KHDRBS3: variants seen among roughly 807,000 people sequenced by gnomAD.
KHDRBS3 encodes the protein KH domain-containing, RNA-binding, signal transduction-associated protein 3.
KHDRBS3 carries 23 observed loss-of-function variants against 45.6 expected under a neutral mutation model. The ratio of observed to expected loss-of-function variants is 0.50; its 90% CI spans 0.36 to 0.72. The LOEUF is 0.72. Among genes scored for constraint, KHDRBS3 ranks in the 30% least tolerant of loss-of-function variants. The pLI, the probability that KHDRBS3 is intolerant of heterozygous loss-of-function variation, is 0.00. For synonymous variants in KHDRBS3, 162 were observed against 156.5 expected (o/e 1.04, Z -0.26); for missense variants, 352 against 424.8 (o/e 0.83, Z 1.51).
intron 5 of KHDRBS3, among the ~76,000 whole-genome samples, chr8:135,574,255 G>GTTAGCACGTCA (rs1482696673): frequency 5.8e-3 from 857 of 148,978 alleles, no homozygotes; most frequent in East Asian, 8.9e-3. Context: ...CCTCCATCAT[G>GTTAGCACGTCA]CCTTTCTTCC....
Position 135,588,740 on chromosome 8 carries a change from G to A in KHDRBS3, c.807+6667G>A, listed in dbSNP as rs369246288. On this transcript the variant is annotated intron_variant, in intron 6 of 8. Transcript: ENST00000355849. ...AGGGGTTTTAGGAGCTGTGAGCCAG[G>A]AGCTGTGGAAGACAATCAAGCTATA... Among the ~76,000 whole-genome samples, 37 of 152,278 alleles carry A rather than the reference G, an allele frequency of 2.4e-4. No homozygotes were observed. The East Asian group carries it at 3.5e-3, about 14-fold the overall frequency.
intron 7 of KHDRBS3, among the ~76,000 whole-genome samples, chr8:135,641,005 G>A (rs988104489): frequency 6.6e-5 from 10 of 152,124 alleles, no homozygotes; most frequent in Non-Finnish European, 1.3e-4. Context: ...CAGCTCCTCG[G>A]CTTGATGACA....
At chr8:135,551,470 G>A (rs950226011) in intron 4 of KHDRBS3, among the ~76,000 whole-genome samples, 1 of 152,056 alleles carries the variant, frequency 6.6e-6, no homozygotes, top group Non-Finnish European at 1.5e-5. Flanking sequence ...ATAAACATGG[G>A]TATTGAATTT....
intron 2 of KHDRBS3, among the ~76,000 whole-genome samples, chr8:135,531,517 A>G (rs1047298189): frequency 1.6e-4 from 24 of 152,168 alleles, no homozygotes; most frequent in Admixed American, 1.5e-3. Context: ...AAACGATTAT[A>G]TACGAAAAAT....
In KHDRBS3 at chr8:135,582,006, G is replaced by C. The variant is rs760804987; in HGVS notation, c.740G>C (p.Arg247Thr). The change falls in exon 6 of 9, where the codon AGA becomes ACA. Residue 247 changes from arginine (R) to threonine (T), a missense_variant. Around this residue, in one of 6 missense-constraint regions of KHDRBS3, gnomAD observed 212 missense variants for 209.6 expected, o/e 1.01. Transcript: ENST00000355849. ...RGRGLLTPRA[R>T]GVPPTGYRPP... is the part of the protein sequence containing the mutation. ...AGAGGACTTCTCACTCCCAGAGCAA[G>C]AGGAGTCCCCCCAACTGGGTACAGA... 1 of 1,612,976 alleles carries C rather than the reference G, an allele frequency of 6.2e-7. No homozygotes were observed. Among genetic ancestry groups the C allele is most frequent in the South Asian group, 1.1e-5 (1 of 90,830 alleles).
chr8:135,493,101 G>A (rs1201844168), intron 1 of KHDRBS3, among the ~76,000 whole-genome samples: 2 of 147,458 alleles, frequency 1.4e-5, no homozygotes, highest in East Asian at 2.0e-4. Context: ...TTTTTGAGAT[G>A]GAGTCTCACT....
intron 3 of KHDRBS3, 76 bp downstream of exon 3, chr8:135,542,846 A>G (rs964747802): frequency 1.0e-6 from 1 of 965,904 alleles, no homozygotes; most frequent in Non-Finnish European, 1.6e-6. Flanking sequence ...CACTGTATTC[A>G]TACATAGTTA....
intron 5 of KHDRBS3, among the ~76,000 whole-genome samples, chr8:135,559,544 A>G (rs536021658): frequency 1.4e-4 from 22 of 151,966 alleles, no homozygotes; most frequent in African/African-American, 5.3e-4. Context: ...TGTATTTTTA[A>G]TAGAGACGGG....
chr8:135,580,252 ACCAGCC>A (rs992614732), intron 5 of KHDRBS3, among the ~76,000 whole-genome samples: 1 of 152,162 alleles, frequency 6.6e-6, no homozygotes, highest in African/African-American at 2.4e-5. Flanking sequence ...ACTTCCAATG[ACCAGCC>A]CCACAGATTG....
Position 135,569,430 on chromosome 8 carries a change from C to A in KHDRBS3, c.611+11843C>A, listed in dbSNP as rs541171230. Among the ~76,000 whole-genome samples the A allele has an allele frequency of 1.1e-4, 17 of 152,212 alleles. No homozygotes were observed. The East Asian group carries it at 3.3e-3, about 29-fold the overall frequency. The stretch of plus-strand genomic sequence containing the variant: ...TTATAGAATTGTCATTAAGCAAAAA[C>A]TTTAGGTAACGACCAGGTAAGAGGT... On this transcript the variant is annotated intron_variant, in intron 5 of 8. Coordinates refer to ENST00000355849, the MANE Select transcript of KHDRBS3 (RefSeq NM_006558.3).
At chr8:135,577,158 T>G (rs1827983634) in intron 5 of KHDRBS3, among the ~76,000 whole-genome samples, 1 of 152,178 alleles carries the variant, frequency 6.6e-6, no homozygotes, top group Non-Finnish European at 1.5e-5. Flanking sequence ...TAAGTTTACT[T>G]TTCTCCAATC....
intron 1 of KHDRBS3, among the ~76,000 whole-genome samples, chr8:135,475,999 A>G (rs1462449032): frequency 6.6e-6 from 1 of 152,116 alleles, no homozygotes; most frequent in African/African-American, 2.4e-5. Context: ...CTCCCACATC[A>G]CAGTGCAGTC....
At chr8:135,595,794 G>A (rs1266806841) in intron 6 of KHDRBS3, among the ~76,000 whole-genome samples, 3 of 152,142 alleles carry the variant, frequency 2.0e-5, no homozygotes, top group East Asian at 1.9e-4. Context: ...CTGATTGAAC[G>A]CTCACCCTGT....
At chr8:135,556,679 C>T (rs1826903533) in intron 4 of KHDRBS3, among the ~76,000 whole-genome samples, 1 of 152,170 alleles carries the variant, frequency 6.6e-6, no homozygotes, top group Admixed American at 6.5e-5. Flanking sequence ...AACAAACTTA[C>T]TATTTCCTTT....
chr8:135,486,137 G>T (rs1437768467), intron 1 of KHDRBS3, among the ~76,000 whole-genome samples: 1 of 152,020 alleles, frequency 6.6e-6, no homozygotes, highest in Non-Finnish European at 1.5e-5. Flanking sequence ...TTTGAGAAGC[G>T]AAGTAGAAGA....
At chr8:135,497,426 G>A (rs1823512303) in intron 1 of KHDRBS3, among the ~76,000 whole-genome samples, 1 of 152,114 alleles carries the variant, frequency 6.6e-6, no homozygotes, top group African/African-American at 2.4e-5. Context: ...TTTAATGGCT[G>A]TTTTCAAGGC....
chr8:135,487,423 A>T (rs1201688803), intron 1 of KHDRBS3, among the ~76,000 whole-genome samples: 1 of 152,204 alleles, frequency 6.6e-6, no homozygotes, highest in African/African-American at 2.4e-5. Context: ...ACTATAGCAG[A>T]TACTGAACTC....
chr8:135,473,660 G>C (rs1167254732), intron 1 of KHDRBS3, among the ~76,000 whole-genome samples: 2 of 152,138 alleles, frequency 1.3e-5, no homozygotes, highest in Non-Finnish European at 2.9e-5. Context: ...TTTCTCTTGG[G>C]TTGCACCTCA....
In KHDRBS3 at chr8:135,557,598, A is replaced by T; in HGVS notation, c.611+11A>T. On this transcript the variant is annotated intron_variant, in intron 5 of 8. Coordinates refer to ENST00000355849, the MANE Select transcript of KHDRBS3 (RefSeq NM_006558.3). ...CCCAGCAATAACCAGGTAGGTGTAA[A>T]TTTTTTTTTAGGTTAACATACCGTG... 6.3e-7 allele frequency: 1 copy of T among 1,589,452 alleles called. No individual in the cohort carries two copies. Among genetic ancestry groups the T allele is most frequent in the Non-Finnish European group, 8.6e-7 (1 of 1,163,432 alleles).
Sources: gnomAD v4.1 joint callset for allele counts (sites outside exome capture counted in the v4.1 genomes callset) on GRCh38, gnomAD v4.1.1 for gene constraint, gnomAD v4.1.1 regional missense constraint, MANE v1.5 for transcripts, NCBI Gene and HGNC (gene_info 2026-07-23, HGNC 2026-07-21) for gene names.